The following SLC24A3 variants were observed in gnomAD, a reference collection of about 807,000 sequenced individuals.
SLC24A3 encodes solute carrier family 24 member 3.
Under a neutral mutation model 75.8 loss-of-function variants are expected in SLC24A3, and 28 were observed. That is an observed-to-expected ratio of 0.37 (90% confidence interval 0.27 to 0.51). SLC24A3 has a LOEUF of 0.51. Among genes scored for constraint, SLC24A3 ranks in the 20% least tolerant of loss-of-function variants. The probability of loss-of-function intolerance (pLI) is 0.94; values close to 1 mark genes in which losing one functional copy is unlikely to be tolerated. For missense variants in SLC24A3, 663 were observed against 847.8 expected (o/e 0.78, Z 2.71); for synonymous variants, 372 against 334.1 (o/e 1.11, Z -1.24).
intron 3 of SLC24A3, among the ~76,000 whole-genome samples, chr20:19,555,616 A>C (rs2030770279): frequency 6.6e-6 from 1 of 152,198 alleles, no homozygotes; most frequent in Non-Finnish European, 1.5e-5. Flanking sequence ...CCACTGAGAA[A>C]ATTGAGTCTG....
At chr20:19,511,576 A>G (rs1429986669) in intron 2 of SLC24A3, among the ~76,000 whole-genome samples, 1 of 151,850 alleles carries the variant, frequency 6.6e-6, no homozygotes, top group Non-Finnish European at 1.5e-5. Context: ...ATCCGCCCAC[A>G]TCGGCCTCCC....
At chr20:19,489,805 C>T (rs544839680) in intron 2 of SLC24A3, among the ~76,000 whole-genome samples, 50 of 152,272 alleles carry the variant, frequency 3.3e-4, no homozygotes, top group African/African-American at 1.2e-3. Context: ...CAGTATACCA[C>T]GTGGCCTTTT....
At chr20:19,226,359 A>G (rs1164839600) in intron 1 of SLC24A3, among the ~76,000 whole-genome samples, 1 of 152,162 alleles carries the variant, frequency 6.6e-6, no homozygotes, top group East Asian at 1.9e-4. Flanking sequence ...ATCACACAAG[A>G]TACGGACCTG....
intron 2 of SLC24A3, among the ~76,000 whole-genome samples, chr20:19,383,934 AT>A (rs1307654410): frequency 6.6e-6 from 1 of 152,188 alleles, no homozygotes; most frequent in Non-Finnish European, 1.5e-5. Flanking sequence ...TAGCGATTCA[AT>A]TGTGAATTTG....
intron 7 of SLC24A3, among the ~76,000 whole-genome samples, chr20:19,659,771 C>T (rs1600325917): frequency 1.3e-5 from 2 of 152,134 alleles, no homozygotes; most frequent in East Asian, 3.9e-4. Context: ...ACTTTCCCTC[C>T]AATAAAATCC....
At chr20:19,357,367 C>T (rs930158016) in intron 2 of SLC24A3, among the ~76,000 whole-genome samples, 4 of 152,124 alleles carry the variant, frequency 2.6e-5, no homozygotes, top group Non-Finnish European at 5.9e-5. Flanking sequence ...GTAATTTGTT[C>T]CGGAAGCCTA....
intron 3 of SLC24A3, among the ~76,000 whole-genome samples, chr20:19,540,483 C>T (rs879743866): frequency 9.8e-5 from 15 of 152,324 alleles, no homozygotes; most frequent in South Asian, 2.1e-4. Flanking sequence ...GCCTTGGAAA[C>T]GCAAAAGCTG....
chr20:19,406,321 T>C (rs901272761), intron 2 of SLC24A3, among the ~76,000 whole-genome samples: 5 of 152,190 alleles, frequency 3.3e-5, no homozygotes, highest in African/African-American at 1.2e-4. Context: ...AATTTTTGTA[T>C]GTATATATGA....
intron 2 of SLC24A3, among the ~76,000 whole-genome samples, chr20:19,369,887 C>CT (rs2122354570): frequency 1.3e-5 from 2 of 152,232 alleles, no homozygotes; most frequent in South Asian, 4.1e-4. Flanking sequence ...AAACTGGTCT[C>CT]TAACTTCTGG....
At chr20:19,542,239 A>G (rs954446855) in intron 3 of SLC24A3, among the ~76,000 whole-genome samples, 1 of 152,302 alleles carries the variant, frequency 6.6e-6, no homozygotes, top group African/African-American at 2.4e-5. Flanking sequence ...TGAAGTTGGG[A>G]GCTTGTGCAT....
chr20:19,306,159 C>T (rs748516615), intron 2 of SLC24A3, among the ~76,000 whole-genome samples: 1 of 152,076 alleles, frequency 6.6e-6, no homozygotes, highest in Admixed American at 6.6e-5. Context: ...AAATGCAAAT[C>T]AAAGCAACAA....
intron 1 of SLC24A3, among the ~76,000 whole-genome samples, chr20:19,235,770 C>A (rs1363160108): frequency 6.6e-6 from 1 of 152,218 alleles, no homozygotes; most frequent in African/African-American, 2.4e-5. Flanking sequence ...GCAGAACATC[C>A]ATTCATATGT....
chr20:19,438,934 C>G (rs1355367754), intron 2 of SLC24A3, among the ~76,000 whole-genome samples: 1 of 152,248 alleles, frequency 6.6e-6, no homozygotes, highest in Non-Finnish European at 1.5e-5. Context: ...CAACTTGTGA[C>G]TGCCTGAGGC....
chr20:19,601,183 C>T (rs190452955), intron 6 of SLC24A3, among the ~76,000 whole-genome samples: 78 of 152,340 alleles, frequency 5.1e-4, no homozygotes, highest in African/African-American at 1.6e-3. Flanking sequence ...TTCGCCTTCT[C>T]CTCTACCTGT....
chr20:19,534,004 G>C (rs6112448), intron 3 of SLC24A3, among the ~76,000 whole-genome samples: 1 of 152,230 alleles, frequency 6.6e-6, no homozygotes, highest in Non-Finnish European at 1.5e-5. Flanking sequence ...TGGGGCAGTG[G>C]TGTTTGCAGG....
chr20:19,295,994 T>A (rs972816364), intron 2 of SLC24A3, among the ~76,000 whole-genome samples: 1 of 152,182 alleles, frequency 6.6e-6, no homozygotes, highest in Non-Finnish European at 1.5e-5. Context: ...TCCTGGGCTT[T>A]TTTTGGTTGG....
intron 6 of SLC24A3, among the ~76,000 whole-genome samples, chr20:19,588,224 A>G (rs551451671): frequency 1.3e-5 from 2 of 152,262 alleles, no homozygotes; most frequent in African/African-American, 4.8e-5. Context: ...GTGCAGTGGA[A>G]TGTTACGGCA....
rs575530909 is a variant in SLC24A3 at position 19,344,768 on chromosome 20, A to T, written c.271+63681A>T. ...CACTCCTGGCTTCTCCACATAATGG[A>T]TGGAGCCTGGTCTGTGGCCAGAGAA... On this transcript the variant is annotated intron_variant, in intron 2 of 16. Coordinates refer to ENST00000328041, the MANE Select transcript of SLC24A3 (RefSeq NM_020689.4). Among the ~76,000 whole-genome samples, 3 of 152,324 alleles carry T rather than the reference A, an allele frequency of 2.0e-5. No individual in the cohort carries two copies. In the South Asian group the frequency reaches 6.2e-4, roughly 32 times the overall value.
At chr20:19,684,945 G>A (rs2032656383) in intron 11 of SLC24A3, among the ~76,000 whole-genome samples, 155 bp from the exon 12 acceptor site, 2 of 152,176 alleles carry the variant, frequency 1.3e-5, no homozygotes, top group African/African-American at 4.8e-5. Flanking sequence ...GTCTGGAGTT[G>A]GTTATCACAT....
Sources: allele counts gnomAD v4.1 joint callset (sites outside exome capture counted in the v4.1 genomes callset), GRCh38; gene constraint gnomAD v4.1.1; transcripts MANE v1.5; gene names NCBI Gene and HGNC (gene_info 2026-07-23, HGNC 2026-07-21).